Variants in ARHGAP10 observed in about 807,000 individuals in gnomAD.
ARHGAP10 encodes the protein Rho GTPase activating protein 10.
ARHGAP10 carries 87 observed loss-of-function variants against 108.6 expected under a neutral mutation model. The ratio of observed to expected loss-of-function variants is 0.80; its 90% CI spans 0.67 to 0.96. The LOEUF (loss-of-function observed/expected upper bound fraction) is 0.96, where lower values mean the gene tolerates loss of function less well. ARHGAP10 is among the 40% of genes least tolerant of loss of function. The pLI is 0.00. For synonymous variants in ARHGAP10, 347 were observed against 341.1 expected (o/e 1.02, Z -0.19); for missense variants, 939 against 954.5 (o/e 0.98, Z 0.21).
intron 18 of ARHGAP10, among the ~76,000 whole-genome samples, chr4:147,974,949 C>A (rs1305726824): frequency 6.6e-6 from 1 of 152,158 alleles, no homozygotes; most frequent in Non-Finnish European, 1.5e-5. Flanking sequence ...GACCCACCCC[C>A]ATGATTCAAT....
intron 14 of ARHGAP10, among the ~76,000 whole-genome samples, chr4:147,940,212 T>C (rs1159695315): frequency 6.6e-6 from 1 of 152,214 alleles, no homozygotes; most frequent in Non-Finnish European, 1.5e-5. Context: ...AAATAGCCTG[T>C]CCAGAATTGT....
At chr4:147,967,858 C>T (rs760182827) in intron 18 of ARHGAP10, among the ~76,000 whole-genome samples, 5 of 151,968 alleles carry the variant, frequency 3.3e-5, no homozygotes, top group Admixed American at 1.3e-4. Flanking sequence ...CATAGCCATG[C>T]GTATTCTGTT....
chr4:147,910,728 G>T (rs1028644034), intron 12 of ARHGAP10, among the ~76,000 whole-genome samples: 1 of 151,868 alleles, frequency 6.6e-6, no homozygotes, highest in Non-Finnish European at 1.5e-5. Context: ...GGTTCCTGAT[G>T]AATTTACTTT....
intron 1 of ARHGAP10, among the ~76,000 whole-genome samples, chr4:147,804,593 A>G (rs1731708622): frequency 1.3e-5 from 2 of 152,166 alleles, no homozygotes; most frequent in Non-Finnish European, 1.5e-5. Flanking sequence ...GAACTAGTTT[A>G]TATTTCCATT....
At chr4:147,915,238 T>A (rs1310901701) in intron 13 of ARHGAP10, among the ~76,000 whole-genome samples, 1 of 152,214 alleles carries the variant, frequency 6.6e-6, no homozygotes, top group East Asian at 1.9e-4. Flanking sequence ...TCCCACATTC[T>A]CTTACAGTGG....
At chr4:148,062,659 C>T (rs993848063) in intron 20 of ARHGAP10, among the ~76,000 whole-genome samples, 64 of 152,328 alleles carry the variant, frequency 4.2e-4, no homozygotes, top group African/African-American at 1.5e-3. Flanking sequence ...AAGTCTTTGG[C>T]CCTCTCTAGA....
chr4:148,033,026 C>T (rs1251732372), intron 19 of ARHGAP10, among the ~76,000 whole-genome samples: 2 of 152,154 alleles, frequency 1.3e-5, no homozygotes, highest in East Asian at 3.8e-4. Context: ...ATCCTTCAAT[C>T]CAATCATGTT....
At chr4:147,885,406 A>C (rs1317685610) in intron 10 of ARHGAP10, among the ~76,000 whole-genome samples, 1 of 152,156 alleles carries the variant, frequency 6.6e-6, no homozygotes, top group Non-Finnish European at 1.5e-5. Flanking sequence ...ATCTTGTGAG[A>C]CTTATTCACT....
chr4:147,853,809 A>G (rs1733975193), intron 4 of ARHGAP10, among the ~76,000 whole-genome samples: 1 of 151,432 alleles, frequency 6.6e-6, no homozygotes, highest in Non-Finnish European at 1.5e-5. Flanking sequence ...ATCCTTCTCT[A>G]TTCTGAGATT....
At chr4:148,034,642 A>T (rs1323329325) in intron 19 of ARHGAP10, among the ~76,000 whole-genome samples, 1 of 152,056 alleles carries the variant, frequency 6.6e-6, no homozygotes, top group Non-Finnish European at 1.5e-5. Context: ...TCTGGCAATT[A>T]ATAATGAACT....
At chr4:147,799,190 A>G (rs542209394) in intron 1 of ARHGAP10, among the ~76,000 whole-genome samples, 1 of 151,980 alleles carries the variant, frequency 6.6e-6, no homozygotes, top group South Asian at 2.1e-4. Flanking sequence ...ATGCATCAGT[A>G]TGCCTGGCTA....
At chr4:147,834,607 G>A (rs1223452403) in intron 3 of ARHGAP10, among the ~76,000 whole-genome samples, 1 of 151,920 alleles carries the variant, frequency 6.6e-6, no homozygotes, top group Non-Finnish European at 1.5e-5. Context: ...CCTTCTAACG[G>A]CAGCCTTGTT....
chr4:147,800,690 C>T (rs1731545028), intron 1 of ARHGAP10, among the ~76,000 whole-genome samples: 1 of 152,174 alleles, frequency 6.6e-6, no homozygotes, highest in Admixed American at 6.5e-5. Context: ...TTTCTTCTTA[C>T]CATCTTTCAG....
rs1020929487 is a variant in ARHGAP10, at chr4:147,966,810, G to T, written c.1687G>T (p.Val563Leu). The change falls in exon 18 of 23, where the codon GTG (valine) becomes TTG (leucine). Residue 563 changes from valine to leucine, a missense_variant. Physicochemically the swap from Val to Leu is conservative, Grantham distance 32. Transcript: ENST00000336498. ...LMDLKFQNIV[V>L]EILIENHEKI... is the part of the protein sequence containing the mutation. ...GGACTTGAAGTTTCAGAATATTGTT[G>T]TGGAAATCTTAATTGAAAACCATGA... The T allele has an allele frequency of 3.2e-6, 5 of 1,579,494 alleles. No homozygotes were observed. Among genetic ancestry groups the T allele is most frequent in the Non-Finnish European group, 4.3e-6 (5 of 1,159,560 alleles).
intron 1 of ARHGAP10, among the ~76,000 whole-genome samples, chr4:147,774,486 A>T (rs1730206440): frequency 1.3e-5 from 2 of 152,228 alleles, no homozygotes; most frequent in Admixed American, 1.3e-4. Flanking sequence ...CAAGGGTTAT[A>T]TAAGGACAAT....
At chr4:147,807,496 T>G (rs1731839032) in intron 1 of ARHGAP10, among the ~76,000 whole-genome samples, 1 of 152,066 alleles carries the variant, frequency 6.6e-6, no homozygotes, top group Admixed American at 6.6e-5. Context: ...TCTGAAATGG[T>G]CAGGAACGTA....
chr4:147,767,108 C>T (rs560183161), intron 1 of ARHGAP10, among the ~76,000 whole-genome samples: 1 of 151,952 alleles, frequency 6.6e-6, no homozygotes, highest in Non-Finnish European at 1.5e-5. Context: ...ACTTTGGCCG[C>T]CCAAAGTGCT....
chr4:147,917,470 A>G (rs1252109194), intron 13 of ARHGAP10: 2 of 152,268 alleles, frequency 1.3e-5, no homozygotes, highest in Non-Finnish European at 2.9e-5. Context: ...CTCCACTTAC[A>G]AGAGGCTTGT....
chr4:147,846,596 G>A (rs1733643714), intron 3 of ARHGAP10, among the ~76,000 whole-genome samples: 1 of 152,130 alleles, frequency 6.6e-6, no homozygotes, highest in Non-Finnish European at 1.5e-5. Flanking sequence ...CTTCCCTGAT[G>A]TCATGTTTGC....
Sources: gnomAD v4.1 joint callset for allele counts (sites outside exome capture counted in the v4.1 genomes callset) on GRCh38, gnomAD v4.1.1 for gene constraint, MANE v1.5 for transcripts, NCBI Gene and HGNC (gene_info 2026-07-23, HGNC 2026-07-21) for gene names.